Variants in ITGBL1 observed in about 807,000 individuals in gnomAD.
ITGBL1 encodes integrin beta-like protein 1.
Under a neutral mutation model 68.5 loss-of-function variants are expected in ITGBL1, and 51 were observed. The observed-to-expected ratio is 0.74, with a 90% confidence interval of 0.59 to 0.94. The LOEUF (loss-of-function observed/expected upper bound fraction) is 0.94. Ranked by LOEUF, ITGBL1 falls within the 40% of genes least tolerant of loss-of-function variation. The pLI is 0.00. For missense variants in ITGBL1, 649 were observed against 647.4 expected, an observed-to-expected ratio of 1.00 and a Z score of -0.03; for synonymous variants, 209 against 227.3, an observed-to-expected ratio of 0.92 and a Z score of 0.72.
chr13:101,606,617 G>A (rs912339061), intron 7 of ITGBL1, among the ~76,000 whole-genome samples: 1 of 151,650 alleles, frequency 6.6e-6, no homozygotes, highest in African/African-American at 2.4e-5. Flanking sequence ...AAAAAAATGT[G>A]AGTAAAGTTA....
chr13:101,499,294 T>C (rs1223663830), intron 2 of ITGBL1, among the ~76,000 whole-genome samples: 2 of 152,164 alleles, frequency 1.3e-5, no homozygotes, highest in Non-Finnish European at 2.9e-5. Flanking sequence ...AAAGACCAGG[T>C]GTTGCTGGAT....
At chr13:101,569,132 G>A (rs1182564471) in intron 3 of ITGBL1, among the ~76,000 whole-genome samples, 1 of 150,344 alleles carries the variant, frequency 6.7e-6, no homozygotes, top group Non-Finnish European at 1.5e-5. Context: ...GCGCACGCGC[G>A]CGCATGCCCC....
chr13:101,612,858 G>A (rs907189354), intron 7 of ITGBL1, among the ~76,000 whole-genome samples: 32 of 152,114 alleles, frequency 2.1e-4, no homozygotes, highest in African/African-American at 7.2e-4. Flanking sequence ...ACAGGCATCA[G>A]TTTCTTGTTC....
chr13:101,681,317 T>C (rs1202838315), intron 7 of ITGBL1, among the ~76,000 whole-genome samples: 1 of 152,146 alleles, frequency 6.6e-6, no homozygotes, highest in African/African-American at 2.4e-5. Flanking sequence ...GTGTTGCATA[T>C]TCAGTCATGG....
At position 101,579,218 on chromosome 13, in the gene ITGBL1, G is replaced by C. The variant is rs2050412890; in HGVS notation, c.587-69G>C. Reference sequence around the variant, plus strand: ...CAGAAGGCAAAAATGATCACAAAGAGATAGAAAGTTAATTCTGCTTATGAA... The same window carrying C: ...CAGAAGGCAAAAATGATCACAAAGACATAGAAAGTTAATTCTGCTTATGAA... On this transcript the variant is annotated intron_variant, in intron 4 of 10. Transcript: ENST00000376180. The C allele has an allele frequency of 2.6e-6, 4 of 1,544,446 alleles. No homozygotes were observed. In the South Asian group the frequency reaches 4.6e-5, roughly 18 times the overall value.
chr13:101,560,604 G>A lies in ITGBL1; in HGVS notation c.317-7095G>A, dbSNP rs1418163753. Among the ~76,000 whole-genome samples the A allele has an allele frequency of 2.6e-5, 4 of 152,044 alleles. No individual in the cohort carries two copies. In the East Asian group the frequency reaches 7.7e-4, roughly 29 times the overall value. On this transcript the variant is annotated intron_variant, in intron 2 of 10. Coordinates refer to ENST00000376180, the MANE Select transcript of ITGBL1 (RefSeq NM_004791.3). ...AATACATTTACTTTTAAAAGATATT[G>A]CAAAATTAAGTTAAATAATTTATAT... is the stretch of plus-strand genomic sequence containing the variant.
intron 2 of ITGBL1, among the ~76,000 whole-genome samples, chr13:101,544,639 C>T (rs375325615): frequency 3.9e-5 from 6 of 152,286 alleles, no homozygotes; most frequent in Admixed American, 3.3e-4. Flanking sequence ...TTGGCTATGC[C>T]CCGCCCCCAG....
At chr13:101,587,140 A>C (rs1035845608) in intron 6 of ITGBL1, among the ~76,000 whole-genome samples, 8 of 152,184 alleles carry the variant, frequency 5.3e-5, no homozygotes, top group African/African-American at 1.9e-4. Context: ...CTTTTAATTG[A>C]CATTCTCATT....
At chr13:101,593,629 C>T (rs1263199244) in intron 6 of ITGBL1, among the ~76,000 whole-genome samples, 1 of 151,924 alleles carries the variant, frequency 6.6e-6, no homozygotes, top group African/African-American at 2.4e-5. Flanking sequence ...ATGAATGGAA[C>T]TGGAGGTCAT....
At chr13:101,493,553 T>C (rs1416567220) in intron 2 of ITGBL1, among the ~76,000 whole-genome samples, 1 of 152,166 alleles carries the variant, frequency 6.6e-6, no homozygotes, top group Non-Finnish European at 1.5e-5. Flanking sequence ...CGGGACGTGC[T>C]TCAGCTGCAT....
chr13:101,582,939 A>G (rs1448514796), intron 5 of ITGBL1, among the ~76,000 whole-genome samples: 2 of 152,314 alleles, frequency 1.3e-5, no homozygotes, highest in South Asian at 2.1e-4. Flanking sequence ...TATATCTTAT[A>G]TAAATTGTTT....
intron 2 of ITGBL1, among the ~76,000 whole-genome samples, chr13:101,503,448 G>A (rs2048975933): frequency 6.6e-6 from 1 of 152,162 alleles, no homozygotes; most frequent in African/African-American, 2.4e-5. Context: ...AATAATGGAG[G>A]AAAAGAGACC....
intron 2 of ITGBL1, among the ~76,000 whole-genome samples, chr13:101,565,573 T>G (rs563912276): frequency 6.6e-6 from 1 of 152,288 alleles, no homozygotes; most frequent in Non-Finnish European, 1.5e-5. Context: ...TGACACAGTG[T>G]TAGTCTAAGC....
intron 7 of ITGBL1, among the ~76,000 whole-genome samples, chr13:101,604,388 G>GTA: frequency 6.6e-6 from 1 of 151,928 alleles, no homozygotes; most frequent in East Asian, 1.9e-4. Flanking sequence ...AAGGTGTTGA[G>GTA]TAAATGTATA....
At chr13:101,584,789 A>G (rs1334751102) in intron 6 of ITGBL1, among the ~76,000 whole-genome samples, 21 of 151,992 alleles carry the variant, frequency 1.4e-4, no homozygotes, top group Admixed American at 1.4e-3. Context: ...CTGTGTTCCA[A>G]AGAGATGATG....
chr13:101,688,438 G>T (rs375189517), intron 7 of ITGBL1, among the ~76,000 whole-genome samples: 1 of 151,990 alleles, frequency 6.6e-6, no homozygotes, highest in East Asian at 1.9e-4. Flanking sequence ...TGTGCACCAC[G>T]GAGGGAAGAA....
In ITGBL1 at chr13:101,715,708, T is replaced by C. The variant is rs1203355768; in HGVS notation, c.*54T>C. ...ATTTTTTCTGGGCCATTAGAACAGA[T>C]AAATGCGAAGGAAACCATGTATATT... On this transcript the variant is annotated 3_prime_UTR_variant, in exon 11 of 11. Transcript: ENST00000376180. 5.5e-5 allele frequency: 61 copies of C among 1,116,080 alleles called. 1 individual carries two copies. In the Admixed American group the frequency reaches 1.0e-3, roughly 19 times the overall value. 69.1% of individuals were successfully genotyped at this position (1,116,080 alleles called of 1,614,324 possible).
chr13:101,541,330 G>C (rs1566723150), intron 2 of ITGBL1, among the ~76,000 whole-genome samples: 1 of 152,086 alleles, frequency 6.6e-6, no homozygotes, highest in Non-Finnish European at 1.5e-5. Flanking sequence ...TTTGTGGTTG[G>C]TTCTGTTTAT....
intron 2 of ITGBL1, among the ~76,000 whole-genome samples, chr13:101,500,099 A>G (rs2048916439): frequency 6.6e-6 from 1 of 152,244 alleles, no homozygotes; most frequent in Non-Finnish European, 1.5e-5. Flanking sequence ...TGGTCTCACA[A>G]AATAACACCT....
Sources: gnomAD v4.1 joint callset for allele counts (sites outside exome capture counted in the v4.1 genomes callset) on GRCh38, gnomAD v4.1.1 for gene constraint, MANE v1.5 for transcripts, NCBI Gene and HGNC (gene_info 2026-07-23, HGNC 2026-07-21) for gene names.